PDCD5: variants seen among roughly 807,000 people sequenced by gnomAD.
The protein encoded by PDCD5 is programmed cell death 5, also known as programmed cell death protein 5.
In PDCD5, 23 loss-of-function variants were observed where a neutral mutation model predicts 21.9. That is an observed-to-expected ratio of 1.05 (90% CI 0.76 to 1.49). The LOEUF is 1.49. PDCD5 is among the 40% of genes most tolerant of loss of function. PDCD5 has a pLI of 0.00. For missense variants in PDCD5, 152 were observed against 147.7 expected (o/e 1.03, Z -0.15); for synonymous variants, 45 against 49.4 (o/e 0.91, Z 0.37).
chr19:32,582,532 C>T (rs1181948208), intron 2 of PDCD5, among the ~76,000 whole-genome samples: 3 of 152,060 alleles, frequency 2.0e-5, no homozygotes, highest in African/African-American at 7.2e-5. Context: ...GACGTGAGTC[C>T]GGTGCCTCAC....
At chr19:32,584,865 A>G (rs759755233) in intron 2 of PDCD5, 85 bp from the exon 3 acceptor site, 437 of 1,053,682 alleles carry the variant, frequency 4.1e-4, no homozygotes, top group Non-Finnish European at 6.1e-4. Context: ...GTGGAGACAC[A>G]TACTGGATGG....
Position 32,587,401 on chromosome 19 carries a change from A to G in PDCD5, c.*101A>G. On this transcript the variant is annotated 3_prime_UTR_variant, in exon 6 of 6. Coordinates refer to ENST00000590247, the MANE Select transcript of PDCD5 (RefSeq NM_004708.4). Reference sequence around the variant, plus strand: ...TTATTGTCTATATGCCTTTTAAAAAAATAAACTTGTTATGCAAAATAAAAC... The same window carrying G: ...TTATTGTCTATATGCCTTTTAAAAAGATAAACTTGTTATGCAAAATAAAAC... The G allele has an allele frequency of 1.4e-6, 1 of 729,526 alleles. No individual in the cohort carries two copies. The highest frequency in any genetic ancestry group is 2.8e-5 in the Admixed American group (1 of 35,610). The allele number at this position is 729,526 out of a possible 1,614,324, so 45.2% of individuals were successfully genotyped here. A position where few individuals can be genotyped will look rare whatever the true frequency, so the allele number is the denominator to read the frequency against.
At chr19:32,581,424 C>T in intron 1 of PDCD5, 97 bp downstream of exon 1, 1 of 715,266 alleles carries the variant, frequency 1.4e-6, no homozygotes, top group Admixed American at 4.4e-5. Context: ...CTGGGCGCCT[C>T]CCCGGGGCCC....
chr19:32,582,066 A>G, intron 1 of PDCD5, 129 bp from the exon 2 acceptor site: 3 of 693,028 alleles, frequency 4.3e-6, no homozygotes, highest in East Asian at 2.7e-5. Flanking sequence ...TGTGAGGCCC[A>G]GTTTCTTATT....
chr19:32,581,925 C>T (rs894952067), intron 1 of PDCD5, among the ~76,000 whole-genome samples: 3 of 152,248 alleles, frequency 2.0e-5, no homozygotes, highest in Non-Finnish European at 4.4e-5. Flanking sequence ...GAAATTATTC[C>T]TACATGTGAA....
chr19:32,582,112 T>C lies in PDCD5; in HGVS notation c.67-83T>C, dbSNP rs190343749. On this transcript the variant is annotated intron_variant, in intron 1 of 5. Transcript: ENST00000590247. ...TTTCTACCACCGCAAGAGACTGTTA[T>C]GTATAGGAAACAACAGAACCGTTCC... 1.7e-3 allele frequency: 1,568 copies of C among 915,620 alleles called. 3 individuals are homozygous for C. Among genetic ancestry groups the C allele is most frequent in the Middle Eastern group, 7.4e-3 (31 of 4,202 alleles). 56.7% of individuals were successfully genotyped at this position (915,620 alleles called of 1,614,324 possible).
intron 4 of PDCD5, chr19:32,586,642 T>C: frequency 7.8e-7 from 1 of 1,276,844 alleles, no homozygotes; most frequent in East Asian, 3.3e-5. Context: ...TTATGGATAC[T>C]TCCCCCTCCT....
chr19:32,587,223 G>A (rs376687894), intron 5 of PDCD5, 30 bp from the exon 6 acceptor site: 3 of 1,496,704 alleles, frequency 2.0e-6, no homozygotes, highest in Non-Finnish European at 2.8e-6. Flanking sequence ...TATTAGAAAT[G>A]TTCTGACACT....
chr19:32,586,276 G>A, intron 4 of PDCD5: 1 of 1,408,784 alleles, frequency 7.1e-7, no homozygotes, highest in Non-Finnish European at 9.2e-7. Flanking sequence ...CCTTGCTTAT[G>A]TTCTCTGTGT....
At chr19:32,581,507 G>A (rs1971425480) in intron 1 of PDCD5, 180 bp downstream of exon 1, 1 of 382,266 alleles carries the variant, frequency 2.6e-6, no homozygotes, top group Non-Finnish European at 4.6e-6. Flanking sequence ...CGTCGCGAGG[G>A]GCCCAGGAGG....
At chr19:32,584,107 C>T (rs1277150088) in intron 2 of PDCD5, among the ~76,000 whole-genome samples, 1 of 152,120 alleles carries the variant, frequency 6.6e-6, no homozygotes. Context: ...GCTGAGATTA[C>T]AGGCATGAGC....
At chr19:32,586,086 T>G in intron 4 of PDCD5, 179 bp downstream of exon 4, 1 of 1,541,650 alleles carries the variant, frequency 6.5e-7, no homozygotes, top group South Asian at 1.2e-5. Context: ...TAAATTCCTC[T>G]GCTTCGCTCC....
intron 1 of PDCD5, chr19:32,581,777 G>GGGA (rs1971428850): frequency 4.6e-6 from 1 of 216,862 alleles, no homozygotes. Context: ...CGGGATGACA[G>GGGA]GGAGGGGCCG....
chr19:32,583,712 A>G (rs1283163516), intron 2 of PDCD5, among the ~76,000 whole-genome samples: 2 of 152,018 alleles, frequency 1.3e-5, no homozygotes, highest in Middle Eastern at 3.2e-3. Context: ...CTGTAGACCC[A>G]GCTACTCAGG....
At chr19:32,583,430 C>T (rs1292559744) in intron 2 of PDCD5, among the ~76,000 whole-genome samples, 1 of 151,740 alleles carries the variant, frequency 6.6e-6, no homozygotes, top group African/African-American at 2.4e-5. Context: ...CAGGCGTGCA[C>T]CACCATGCCT....
intron 3 of PDCD5, among the ~76,000 whole-genome samples, 174 bp from the exon 4 acceptor site, chr19:32,585,642 G>C (rs561217592): frequency 1.6e-4 from 24 of 152,298 alleles, no homozygotes; most frequent in Non-Finnish European, 1.0e-4. Flanking sequence ...TGTGGAGATT[G>C]GCATGGGTGA....
Position 32,584,968 on chromosome 19 carries a change from CAGTATCTT to C in PDCD5, c.126_133del (p.Ile43ProfsTer13), listed in dbSNP as rs540891625. The C allele has an allele frequency of 7.4e-6, 12 of 1,613,758 alleles. No individual in the cohort carries two copies. Among genetic ancestry groups the C allele is most frequent in the Non-Finnish European group, 9.3e-6 (11 of 1,179,770 alleles). ...GTTGTAGGGAAGCAGAAATGAGAAACAGTATCTTAGCCCAAGTTCTGGATCAGTCGGCC... is the reference window on the plus strand; with the variant it reads ...GTTGTAGGGAAGCAGAAATGAGAAACAGCCCAAGTTCTGGATCAGTCGGCC... On this transcript the variant is annotated frameshift_variant, in exon 3 of 6. Transcript: ENST00000590247. LOFTEE classifies it high-confidence loss of function.
rs1971470064 is a variant in PDCD5 at position 32,585,805 on chromosome 19, T to C, written c.167-11T>C. 2 of 1,496,502 alleles carry C rather than the reference T, an allele frequency of 1.3e-6. No individual in the cohort carries two copies. The highest frequency in any genetic ancestry group is 9.3e-7 in the Non-Finnish European group (1 of 1,075,634). The allele number at this position is 1,496,502 out of a possible 1,614,324, so 92.7% of individuals were successfully genotyped here. On this transcript the variant is annotated splice_polypyrimidine_tract_variant and intron_variant, in intron 3 of 5. Transcript: ENST00000590247. ...TAATGGATTTTTTGCATATGTATTT[T>C]TTCTTTTTAGTAAGTAACTTAGCAC...
At chr19:32,586,711 C>T in intron 4 of PDCD5, 147 bp from the exon 5 acceptor site, 1 of 1,361,722 alleles carries the variant, frequency 7.3e-7, no homozygotes, top group Non-Finnish European at 9.5e-7. Flanking sequence ...TAGTTATAAC[C>T]AATAGTTTCA....
Sources: gnomAD v4.1 joint callset for allele counts (sites outside exome capture counted in the v4.1 genomes callset) on GRCh38, gnomAD v4.1.1 for gene constraint, MANE v1.5 for transcripts, NCBI Gene and HGNC (gene_info 2026-07-23, HGNC 2026-07-21) for gene names.